Variants in NAV3 observed in about 807,000 individuals in gnomAD.
The protein encoded by NAV3 is neuron navigator 3, also known as pore membrane and/or filament interacting like protein 1.
Under a neutral mutation model 244.7 loss-of-function variants are expected in NAV3, and 87 were observed. That is an observed-to-expected ratio of 0.36 (90% CI 0.30 to 0.42). The LOEUF is 0.42. Ranked by LOEUF, NAV3 falls within the 20% of genes least tolerant of loss-of-function variation. The pLI, the probability that NAV3 is intolerant of heterozygous loss-of-function variation, is 1.00. For synonymous variants in NAV3, 1,126 were observed against 1,042.2 expected, an observed-to-expected ratio of 1.08 and a Z score of -1.55; for missense variants, 2,663 against 2,893.3, an observed-to-expected ratio of 0.92 and a Z score of 1.83.
At chr12:77,860,351 G>A (rs1879082169) in intron 1 of NAV3, among the ~76,000 whole-genome samples, 1 of 150,050 alleles carries the variant, frequency 6.7e-6, no homozygotes, top group East Asian at 1.9e-4. Context: ...AATTTTATAT[G>A]CTATATGCAC....
intron 9 of NAV3, among the ~76,000 whole-genome samples, chr12:78,031,382 A>G (rs569396027): frequency 6.6e-6 from 1 of 152,200 alleles, no homozygotes; most frequent in Non-Finnish European, 1.5e-5. Context: ...TGAAATTGAT[A>G]TAAGTGGAGC....
chr12:77,912,384 TC>T (rs372164942), intron 1 of NAV3, among the ~76,000 whole-genome samples: 154 of 152,200 alleles, frequency 1.0e-3, no homozygotes, highest in African/African-American at 3.5e-3. Context: ...AATATGGTAT[TC>T]CTTTGAGTTG....
At chr12:77,608,685 T>A (rs1156850943) in intron 2 of NAV3, among the ~76,000 whole-genome samples, 6 of 152,090 alleles carry the variant, frequency 3.9e-5, no homozygotes, top group Non-Finnish European at 8.8e-5. Context: ...ATCCAAGGAT[T>A]TTAGAATGAA....
At chr12:77,877,039 TC>T (rs1439209003) in intron 1 of NAV3, among the ~76,000 whole-genome samples, 1 of 152,126 alleles carries the variant, frequency 6.6e-6, no homozygotes, top group Non-Finnish European at 1.5e-5. Context: ...AACATTTACA[TC>T]CCTTAAAGCT....
intron 2 of NAV3, among the ~76,000 whole-genome samples, chr12:77,605,382 G>T (rs987547925): frequency 6.6e-6 from 1 of 151,936 alleles, no homozygotes. Flanking sequence ...ATATGAGAAG[G>T]TTCAACCAAT....
At chr12:77,574,708 C>T (rs1311470194) in intron 2 of NAV3, among the ~76,000 whole-genome samples, 1 of 152,120 alleles carries the variant, frequency 6.6e-6, no homozygotes, top group Non-Finnish European at 1.5e-5. Flanking sequence ...ATTCTAAGCA[C>T]TACACAACCG....
At chr12:78,176,773 G>A (rs772908787) in intron 26 of NAV3, among the ~76,000 whole-genome samples, 1 of 151,986 alleles carries the variant, frequency 6.6e-6, no homozygotes, top group African/African-American at 2.4e-5. Context: ...CTGTCAGCAG[G>A]ACATGACTTG....
At position 78,050,111 on chromosome 12, in the gene NAV3, A is replaced by G; in HGVS notation, c.2132+10A>G. The stretch of plus-strand genomic sequence containing the variant: ...CTCAGATAAGCCACAGGTTTTTTTC[A>G]ATTTTGCATATATTTGAGCCAATAA... On this transcript the variant is annotated intron_variant, in intron 10 of 39. Coordinates refer to ENST00000397909, the MANE Select transcript of NAV3 (RefSeq NM_001024383.2). The G allele has an allele frequency of 6.4e-7, 1 of 1,568,200 alleles. No homozygotes were observed. The highest frequency in any genetic ancestry group is 8.7e-7 in the Non-Finnish European group (1 of 1,148,166).
chr12:78,084,756 TTTC>T (rs1281277606), intron 12 of NAV3, among the ~76,000 whole-genome samples: 3 of 152,194 alleles, frequency 2.0e-5, no homozygotes, highest in Non-Finnish European at 4.4e-5. Context: ...AATCAATGAC[TTTC>T]TTATTAAGGT....
In NAV3 at chr12:77,710,043, A is replaced by T. The variant is rs138109315; in HGVS notation, c.72+137777A>T. Among the ~76,000 whole-genome samples, 60 of 152,274 alleles carry T rather than the reference A, an allele frequency of 3.9e-4. No homozygotes were observed. In the East Asian group the frequency reaches 0.011, roughly 29 times the overall value. On this transcript the variant is annotated intron_variant, in intron 2 of 8. Coordinates refer to the NAV3 transcript ENST00000550042. ...AATGTCAGCTTGCATTAGCTTTAAAACTATAGTAATCTGTGTCTTAGAAAT... is the reference window on the plus strand; with the variant it reads ...AATGTCAGCTTGCATTAGCTTTAAATCTATAGTAATCTGTGTCTTAGAAAT...
At chr12:77,600,785 G>T (rs1291783038) in intron 2 of NAV3, among the ~76,000 whole-genome samples, 1 of 151,900 alleles carries the variant, frequency 6.6e-6, no homozygotes, top group Non-Finnish European at 1.5e-5. Flanking sequence ...GGGGTGAAGG[G>T]TCCAACTCAA....
intron 24 of NAV3, among the ~76,000 whole-genome samples, chr12:78,170,699 A>G (rs1412350620): frequency 5.1e-4 from 77 of 151,780 alleles, no homozygotes; most frequent in Non-Finnish European, 4.6e-4. Flanking sequence ...TCCATATTTC[A>G]GCTATCCTGA....
intron 1 of NAV3, among the ~76,000 whole-genome samples, chr12:77,879,981 T>C: frequency 6.6e-6 from 1 of 152,162 alleles, no homozygotes; most frequent in East Asian, 1.9e-4. Context: ...TCATGCATAA[T>C]CCTGATAATC....
chr12:78,177,898 A>G (rs1958311109), intron 28 of NAV3, among the ~76,000 whole-genome samples: 1 of 147,538 alleles, frequency 6.8e-6, no homozygotes, highest in Non-Finnish European at 1.5e-5. Context: ...TTTTTATGAT[A>G]GCCCACTTTT....
intron 2 of NAV3, among the ~76,000 whole-genome samples, chr12:77,699,182 C>T (rs750377989): frequency 1.2e-4 from 18 of 152,064 alleles, no homozygotes; most frequent in Non-Finnish European, 1.8e-4. Flanking sequence ...ATAGAAGACA[C>T]GCTGGCTGTC....
chr12:78,198,816 A>G (rs920382375), intron 36 of NAV3, 140 bp downstream of exon 36: 4 of 629,776 alleles, frequency 6.4e-6, no homozygotes, highest in Non-Finnish European at 1.1e-5. Flanking sequence ...CTTGCCAGAG[A>G]TGACCTGTGG....
intron 2 of NAV3, among the ~76,000 whole-genome samples, chr12:77,600,958 T>A (rs1430848401): frequency 6.6e-6 from 1 of 152,002 alleles, no homozygotes. Flanking sequence ...CTGTATTAGA[T>A]AATGATGAAA....
intron 2 of NAV3, among the ~76,000 whole-genome samples, chr12:77,784,653 C>T (rs2135926046): frequency 6.6e-6 from 1 of 152,200 alleles, no homozygotes; most frequent in Non-Finnish European, 1.5e-5. Flanking sequence ...CACATCATGA[C>T]TGGAGGATCA....
intron 1 of NAV3, among the ~76,000 whole-genome samples, chr12:77,882,873 CTA>C (rs1268523012): frequency 6.6e-6 from 1 of 152,186 alleles, no homozygotes; most frequent in Middle Eastern, 3.4e-3. Context: ...ATCAAAAACC[CTA>C]TGAGACACCC....
Sources: allele counts gnomAD v4.1 joint callset (sites outside exome capture counted in the v4.1 genomes callset), GRCh38; gene constraint gnomAD v4.1.1; transcripts MANE v1.5; gene names NCBI Gene and HGNC (gene_info 2026-07-23, HGNC 2026-07-21).